Variants in ZFP3 observed in about 807,000 individuals in gnomAD.
ZFP3 encodes the protein ZFP3 zinc finger protein.
In ZFP3, 18 loss-of-function variants were observed where a neutral mutation model predicts 36.7. The ratio of observed to expected loss-of-function variants is 0.49; its 90% confidence interval spans 0.34 to 0.73. ZFP3 has a LOEUF of 0.73. Among genes scored for constraint, ZFP3 ranks in the 30% least tolerant of loss-of-function variants. ZFP3 has a pLI of 0.01. For synonymous variants in ZFP3, 218 were observed against 199.0 expected (o/e 1.10, Z -0.81); for missense variants, 495 against 599.0 (o/e 0.83, Z 1.81).
At chr17:5,091,084 A>AT (rs926632792) in intron 1 of ZFP3, among the ~76,000 whole-genome samples, 107 of 149,586 alleles carry the variant, frequency 7.2e-4, no homozygotes, top group Non-Finnish European at 8.8e-4. Context: ...AATATTATGG[A>AT]TTTTTTTTTT....
In ZFP3 at chr17:5,078,808, C is replaced by T. The variant is rs1001737414; in HGVS notation, c.-9+233C>T. Among the ~76,000 whole-genome samples, 2 of 152,216 alleles carry T rather than the reference C, an allele frequency of 1.3e-5. No individual in the cohort carries two copies. Among genetic ancestry groups the T allele is most frequent in the Non-Finnish European group, 2.9e-5 (2 of 68,042 alleles). On this transcript the variant is annotated intron_variant, in intron 1 of 1. Transcript: ENST00000318833. This position sits in a 1 kb window ranked among gnomAD's most constrained non-coding sequence, Gnocchi z 4.5. ...GGACAGTCCCAGCTCTGGTTTGGTG[C>T]CTGTCAGCCGTGGGGGTGGGAGAAG...
At chr17:5,089,980 C>T (rs539360643) in intron 1 of ZFP3, among the ~76,000 whole-genome samples, 1 of 152,108 alleles carries the variant, frequency 6.6e-6, no homozygotes, top group Admixed American at 6.5e-5. Flanking sequence ...TTTAAGTAAT[C>T]TATGAAGGTA....
Position 5,093,153 on chromosome 17 carries a change from G to T in ZFP3, c.*140G>T. ...TCTGTCCTCCCACTGATTTTAAATAGTTGGTTGAAGAAGATGAGGCACTTT... is the reference window on the plus strand; with the variant it reads ...TCTGTCCTCCCACTGATTTTAAATATTTGGTTGAAGAAGATGAGGCACTTT... On this transcript the variant is annotated 3_prime_UTR_variant, in exon 2 of 2. Coordinates refer to ENST00000318833, the MANE Select transcript of ZFP3 (RefSeq NM_153018.3). 22 of 845,656 alleles carry T rather than the reference G, an allele frequency of 2.6e-5. No homozygotes were observed. Among genetic ancestry groups the T allele is most frequent in the South Asian group, 5.2e-5 (2 of 38,448 alleles). 52.4% of individuals were successfully genotyped at this position (845,656 alleles called of 1,614,324 possible).
rs1397859259 is a variant in ZFP3 at position 5,092,799 on chromosome 17, A to G, written c.1295A>G (p.Asp432Gly). The G allele has an allele frequency of 6.2e-7, 1 of 1,614,066 alleles. No homozygotes were observed. Among genetic ancestry groups the G allele is most frequent in the Non-Finnish European group, 8.5e-7 (1 of 1,180,034 alleles). Residue 432 changes from aspartate (D) to glycine (G), a missense_variant, in exon 2 of 2, where the codon GAT becomes GGT. Asp to Gly is a moderately conservative substitution (Grantham distance 94, BLOSUM62 -1). This residue lies in a region of ZFP3 where 163 missense variants were observed against 178.4 expected (regional missense o/e 0.91). Transcript: ENST00000318833. The surrounding 1 kb of genome is among the most constrained non-coding windows in gnomAD (Gnocchi z 5.0). ...AATGAGTGTGCAAGAACCTTTTGGG[A>G]TAATTCTGAGCTGCTTCTCCACCAG... The part of the protein sequence containing the change: ...QCNECARTFW[D>G]NSELLLHQKI...
Position 5,092,385 on chromosome 17 carries a change from C to T in ZFP3, c.881C>T (p.Ser294Leu). Residue 294 changes from serine (S) to leucine (L), a missense_variant, in exon 2 of 2, where the codon TCA becomes TTA. By Grantham distance (145) the Ser-to-Leu change is moderately radical (BLOSUM62 -2). Coordinates refer to ENST00000318833, the MANE Select transcript of ZFP3 (RefSeq NM_153018.3). The surrounding 1 kb of genome is among the most constrained non-coding windows in gnomAD (Gnocchi z 5.0). Reference protein sequence around the residue: ...NECGKAFKHSSGLIRHQKIHT... With the variant: ...NECGKAFKHSLGLIRHQKIHT... ...TGTGGCAAAGCCTTCAAGCATAGCT[C>T]AGGCCTTATTAGACACCAGAAAATT... 1 of 1,614,194 alleles carries T rather than the reference C, an allele frequency of 6.2e-7. No homozygotes were observed. Among genetic ancestry groups the T allele is most frequent in the South Asian group, 1.1e-5 (1 of 91,084 alleles).
rs767743935 is a variant in ZFP3, at chr17:5,091,615, G to A, written c.111G>A (p.Glu37=). The stretch of plus-strand genomic sequence containing the variant: ...CAAAAGTGGTTTACCAAGGTCATGA[G>A]TTTGGAGCAGGATGTGAAGAAGACA... ...KFPKVVYQGH[E]FGAGCEEDML... Residue 37 remains glutamate, a synonymous_variant, in exon 2 of 2, where the codon GAG becomes GAA. Coordinates refer to ENST00000318833, the MANE Select transcript of ZFP3 (RefSeq NM_153018.3). The A allele has an allele frequency of 1.9e-6, 3 of 1,614,108 alleles. No homozygotes were observed. Among genetic ancestry groups the A allele is most frequent in the African/African-American group, 1.3e-5 (1 of 74,946 alleles).
At position 5,094,969 on chromosome 17, in the gene ZFP3, G is replaced by C. The variant is rs573019118; in HGVS notation, c.*1956G>C. 1 of 167,222 alleles carries C rather than the reference G, an allele frequency of 6.0e-6. No homozygotes were observed. Among genetic ancestry groups the C allele is most frequent in the South Asian group, 2.1e-4 (1 of 4,832 alleles). The allele number at this position is 167,222 out of a possible 1,614,324, so 10.4% of individuals were successfully genotyped here. On this transcript the variant is annotated 3_prime_UTR_variant, in exon 2 of 2. Coordinates refer to ENST00000318833, the MANE Select transcript of ZFP3 (RefSeq NM_153018.3). ...TAATTGACCCATGATTCCACAGCTA[G>C]TAAGAGCGACAGCCAAGACTCCAAA...
chr17:5,085,194 C>A (rs1220347657), intron 1 of ZFP3, among the ~76,000 whole-genome samples: 1 of 152,022 alleles, frequency 6.6e-6, no homozygotes, highest in Non-Finnish European at 1.5e-5. Context: ...TGCACACCAC[C>A]ATGCCTGGCT....
chr17:5,086,820 C>T (rs1237335869), intron 1 of ZFP3, among the ~76,000 whole-genome samples: 9 of 151,160 alleles, frequency 6.0e-5, no homozygotes, highest in East Asian at 1.9e-4. Flanking sequence ...CTCCGCCTCC[C>T]GGGTTCAGGC....
intron 1 of ZFP3, among the ~76,000 whole-genome samples, chr17:5,083,639 G>A (rs757930388): frequency 6.6e-6 from 1 of 152,002 alleles, no homozygotes; most frequent in Non-Finnish European, 1.5e-5. Context: ...AGATCTCTTG[G>A]TCCCACTAGA....
chr17:5,093,035 T>C lies in ZFP3; in HGVS notation c.*22T>C, dbSNP rs1481964078. The C allele has an allele frequency of 5.9e-6, 9 of 1,533,892 alleles. No individual in the cohort carries two copies. Among genetic ancestry groups the C allele is most frequent in the Non-Finnish European group, 7.9e-6 (9 of 1,143,988 alleles). ...GTAATCTGCAAAATAGGAAAGCTTTTAGTGGAAAAGCTAAAGTCCAACTTA... is the reference window on the plus strand; with the variant it reads ...GTAATCTGCAAAATAGGAAAGCTTTCAGTGGAAAAGCTAAAGTCCAACTTA... On this transcript the variant is annotated 3_prime_UTR_variant, in exon 2 of 2. Transcript: ENST00000318833.
chr17:5,082,385 A>G (rs2072098554), intron 1 of ZFP3, among the ~76,000 whole-genome samples: 1 of 151,804 alleles, frequency 6.6e-6, no homozygotes, highest in Non-Finnish European at 1.5e-5. Flanking sequence ...TAAAGACACC[A>G]CTCACGCATC....
intron 1 of ZFP3, among the ~76,000 whole-genome samples, chr17:5,083,148 A>G (rs2072102789): frequency 6.6e-6 from 1 of 152,204 alleles, no homozygotes; most frequent in South Asian, 2.1e-4. Flanking sequence ...AAGTCAGAGC[A>G]GGAACTGGCA....
In ZFP3 at chr17:5,078,501, G is replaced by A. The variant is rs1330819180; in HGVS notation, c.-83G>A. On this transcript the variant is annotated 5_prime_UTR_variant, in exon 1 of 2. Coordinates refer to ENST00000318833, the MANE Select transcript of ZFP3 (RefSeq NM_153018.3). This position sits in a 1 kb window ranked among gnomAD's most constrained non-coding sequence, Gnocchi z 4.5. The stretch of plus-strand genomic sequence containing the variant: ...CGCCAGTGACACCGGGACAACAGCT[G>A]CGGGCTCTGTGCGAGCGGCCCAGCA... 4.6e-5 allele frequency: 7 copies of A among 152,428 alleles called. No homozygotes were observed. The East Asian group carries it at 9.7e-4, about 21-fold the overall frequency. 9.4% of individuals were successfully genotyped at this position (152,428 alleles called of 1,614,324 possible).
In ZFP3 at chr17:5,091,482, C is replaced by A. The variant is rs376458581; in HGVS notation, c.-8-15C>A. On this transcript the variant is annotated splice_polypyrimidine_tract_variant and intron_variant, in intron 1 of 1. Transcript: ENST00000318833. The stretch of plus-strand genomic sequence containing the variant: ...ATGATACGGTCCCTTCACATACTTA[C>A]CTCTCTCATTTCAGATTGTGAGATG... 7.3e-5 allele frequency: 118 copies of A among 1,608,516 alleles called. No individual in the cohort carries two copies. Among genetic ancestry groups the A allele is most frequent in the East Asian group, 2.2e-5 (1 of 44,866 alleles).
At position 5,092,569 on chromosome 17, in the gene ZFP3, T is replaced by C; in HGVS notation, c.1065T>C (p.His355=). Residue 355 remains histidine, a synonymous_variant, in exon 2 of 2, where the codon CAT becomes CAC. Transcript: ENST00000318833. This position sits in a 1 kb window ranked among gnomAD's most constrained non-coding sequence, Gnocchi z 5.0. ...GCCAGAACTCAGAGATTATTAGACA[T>C]ATTAGAATTCATACTGGTGAGAAGC... is the stretch of plus-strand genomic sequence containing the variant. ...TFGQNSEIIR[H]IRIHTGEKPY... is the part of the protein sequence containing the mutation. 1 of 1,614,074 alleles carries C rather than the reference T, an allele frequency of 6.2e-7. No individual in the cohort carries two copies. The highest frequency in any genetic ancestry group is 1.1e-5 in the South Asian group (1 of 91,078).
In ZFP3 at chr17:5,083,539, C is replaced by G. The variant is rs1460987349; in HGVS notation, c.-9+4964C>G. Among the ~76,000 whole-genome samples, 5 of 120,318 alleles carry G rather than the reference C, an allele frequency of 4.2e-5. No homozygotes were observed. In the Admixed American group the frequency reaches 4.4e-4, roughly 11 times the overall value. 78.9% of individuals were successfully genotyped at this position (120,318 alleles called of 152,430 possible). On this transcript the variant is annotated intron_variant, in intron 1 of 1. Transcript: ENST00000318833. ...CCAGCTGGGGAACAAGAGTGAAACT[C>G]TATCTCAAAAAAAAAAAAAAAGACT...
intron 1 of ZFP3, among the ~76,000 whole-genome samples, chr17:5,086,116 T>C (rs1274454983): frequency 2.6e-5 from 4 of 152,240 alleles, no homozygotes; most frequent in Admixed American, 6.5e-5. Flanking sequence ...TCTTACTTCA[T>C]GGGAAAATGA....
chr17:5,080,748 C>T (rs775535614), intron 1 of ZFP3, among the ~76,000 whole-genome samples: 2 of 152,058 alleles, frequency 1.3e-5, no homozygotes, highest in Admixed American at 6.6e-5. Context: ...CATTTCCATC[C>T]GTATCTCACT....
Sources: allele counts gnomAD v4.1 joint callset (sites outside exome capture counted in the v4.1 genomes callset), GRCh38; gene constraint gnomAD v4.1.1; regional missense constraint gnomAD v4.1.1; non-coding constraint Gnocchi (gnomAD v3.1); transcripts MANE v1.5; gene names NCBI Gene and HGNC (gene_info 2026-07-23, HGNC 2026-07-21).